PALLD: variants seen among roughly 807,000 people sequenced by gnomAD.
PALLD encodes the protein palladin, cytoskeletal associated protein.
Under a neutral mutation model 123.5 loss-of-function variants are expected in PALLD, and 61 were observed. The observed-to-expected ratio is 0.49, with a 90% CI of 0.40 to 0.61. The LOEUF (loss-of-function observed/expected upper bound fraction) is 0.61, where lower values mean the gene tolerates loss of function less well. PALLD is among the 20% of genes least tolerant of loss of function. PALLD has a pLI of 0.00. For synonymous variants in PALLD, 465 were observed against 496.4 expected (o/e 0.94, Z 0.84); for missense variants, 1,273 against 1,377.0 (o/e 0.92, Z 1.20).
intron 2 of PALLD, among the ~76,000 whole-genome samples, chr4:168,653,536 C>A (rs1426016115): frequency 6.6e-6 from 1 of 152,186 alleles, no homozygotes; most frequent in Non-Finnish European, 1.5e-5. Context: ...TTCTTGGCAA[C>A]CCCAAGGAGA....
intron 2 of PALLD, among the ~76,000 whole-genome samples, chr4:168,545,735 G>C (rs1338592770): frequency 6.6e-6 from 1 of 151,982 alleles, no homozygotes; most frequent in Non-Finnish European, 1.5e-5. Flanking sequence ...AATATCATTA[G>C]GAATACCAGT....
At chr4:168,652,361 T>C (rs1404119661) in intron 2 of PALLD, among the ~76,000 whole-genome samples, 1 of 152,260 alleles carries the variant, frequency 6.6e-6, no homozygotes, top group East Asian at 1.9e-4. Context: ...TTTGGTTAAA[T>C]AGCGTTTTAA....
intron 2 of PALLD, among the ~76,000 whole-genome samples, chr4:168,593,273 T>C (rs1356292880): frequency 2.6e-5 from 4 of 152,078 alleles, no homozygotes; most frequent in African/African-American, 9.7e-5. Flanking sequence ...AGCTAAAGTT[T>C]CTTGGATTCT....
chr4:168,751,137 C>T (rs1002797671), intron 10 of PALLD, among the ~76,000 whole-genome samples: 39 of 151,834 alleles, frequency 2.6e-4, no homozygotes, highest in East Asian at 1.9e-4. Context: ...CTCAGCCTCC[C>T]GAGTAGCTGG....
chr4:168,791,113 CT>C (rs1461139717), intron 10 of PALLD, among the ~76,000 whole-genome samples: 1 of 152,212 alleles, frequency 6.6e-6, no homozygotes, highest in Non-Finnish European at 1.5e-5. Context: ...CCACTCCCCA[CT>C]AGGGCCCAGG....
intron 13 of PALLD, among the ~76,000 whole-genome samples, chr4:168,897,401 A>C (rs1755441965): frequency 6.6e-6 from 1 of 152,198 alleles, no homozygotes. Context: ...GTTATCTTTC[A>C]TTTAATATTA....
At chr4:168,905,607 C>T (rs1757562634) in intron 15 of PALLD, among the ~76,000 whole-genome samples, 2 of 151,982 alleles carry the variant, frequency 1.3e-5, no homozygotes, top group African/African-American at 4.8e-5. Flanking sequence ...GCACAGCAAA[C>T]TCTTCACTGT....
chr4:168,654,577 T>A (rs1254336378), intron 2 of PALLD, among the ~76,000 whole-genome samples: 1 of 152,254 alleles, frequency 6.6e-6, no homozygotes, highest in Non-Finnish European at 1.5e-5. Flanking sequence ...ATTAATAGAA[T>A]GAAATGTCAG....
At chr4:168,833,831 C>T (rs575884269) in intron 10 of PALLD, among the ~76,000 whole-genome samples, 1 of 150,548 alleles carries the variant, frequency 6.6e-6, no homozygotes, top group African/African-American at 2.5e-5. Flanking sequence ...TGATTTTCCC[C>T]ATGTCTGTTT....
At chr4:168,607,161 T>C (rs1773264615) in intron 2 of PALLD, among the ~76,000 whole-genome samples, 1 of 151,906 alleles carries the variant, frequency 6.6e-6, no homozygotes, top group Admixed American at 6.6e-5. Flanking sequence ...ATATGAATGG[T>C]ACAAAGGAGG....
intron 2 of PALLD, among the ~76,000 whole-genome samples, chr4:168,577,277 A>G (rs768316393): frequency 6.6e-6 from 1 of 152,132 alleles, no homozygotes; most frequent in East Asian, 1.9e-4. Context: ...AGACTCAGCT[A>G]TTGTTATAGA....
At chr4:168,816,617 A>G (rs922932491) in intron 10 of PALLD, among the ~76,000 whole-genome samples, 3 of 151,916 alleles carry the variant, frequency 2.0e-5, no homozygotes, top group Admixed American at 2.0e-4. Flanking sequence ...ATACCCTGCC[A>G]TAGGATGAGG....
chr4:168,519,605 CT>C (rs1763335292), intron 2 of PALLD, among the ~76,000 whole-genome samples: 1 of 151,930 alleles, frequency 6.6e-6, no homozygotes, highest in Non-Finnish European at 1.5e-5. Context: ...GTATAGTCTA[CT>C]TTATTTGCTG....
intron 10 of PALLD, among the ~76,000 whole-genome samples, chr4:168,825,716 T>C (rs1339000916): frequency 1.3e-5 from 2 of 149,076 alleles, no homozygotes; most frequent in Non-Finnish European, 3.0e-5. Flanking sequence ...AGCAGCTCCA[T>C]TGCTGAGAGA....
At chr4:168,800,708 A>T (rs1352360373) in intron 10 of PALLD, among the ~76,000 whole-genome samples, 1 of 152,212 alleles carries the variant, frequency 6.6e-6, no homozygotes, top group Non-Finnish European at 1.5e-5. Context: ...GCATAATTTG[A>T]TAAACTCAAA....
chr4:168,709,901 G>T (rs1411879704), intron 9 of PALLD, among the ~76,000 whole-genome samples: 3 of 151,968 alleles, frequency 2.0e-5, no homozygotes, highest in Non-Finnish European at 2.9e-5. Context: ...ACATCCTCCC[G>T]CTAACCTAGA....
At chr4:168,528,471 A>G (rs1764283616) in intron 2 of PALLD, among the ~76,000 whole-genome samples, 1 of 152,234 alleles carries the variant, frequency 6.6e-6, no homozygotes, top group African/African-American at 2.4e-5. Flanking sequence ...TTAAATGACT[A>G]ACACTAAATG....
chr4:168,580,113 G>C (rs1291716957), intron 2 of PALLD, among the ~76,000 whole-genome samples: 1 of 151,982 alleles, frequency 6.6e-6, no homozygotes, highest in African/African-American at 2.4e-5. Flanking sequence ...ACGTGTGTCA[G>C]ATCGTGCCAT....
In PALLD at chr4:168,704,664, C is replaced by CA. The variant is rs35183478; in HGVS notation, c.1502-4342dup. Among the ~76,000 whole-genome samples the CA allele has an allele frequency of 3.5e-3, 287 of 81,274 alleles. 7 individuals carry two copies. The highest frequency in any genetic ancestry group is 7.0e-3 in the African/African-American group (131 of 18,806). The allele number at this position is 81,274 out of a possible 152,430, so 53.3% of individuals were successfully genotyped here. A position where few individuals can be genotyped will look rare whatever the true frequency, so the allele number is the denominator to read the frequency against. On this transcript the variant is annotated intron_variant, in intron 8 of 21. Coordinates refer to ENST00000505667, the MANE Select transcript of PALLD (RefSeq NM_001166108.2). Reference sequence around the variant, plus strand: ...TGGGCGACAGCACGAGACTCTGTCTCAAAAAAAAAAAAAAAAAAAAAATGT... The same window carrying CA: ...TGGGCGACAGCACGAGACTCTGTCTCAAAAAAAAAAAAAAAAAAAAAAATGT...
Sources: gnomAD v4.1 joint callset for allele counts (sites outside exome capture counted in the v4.1 genomes callset) on GRCh38, gnomAD v4.1.1 for gene constraint, MANE v1.5 for transcripts, NCBI Gene and HGNC (gene_info 2026-07-23, HGNC 2026-07-21) for gene names.